The following BEND7 variants were observed in gnomAD, a reference collection of about 807,000 sequenced individuals.
The protein encoded by BEND7 is BEN domain containing 7, also known as BEN domain-containing protein 7.
Under a neutral mutation model 50.9 loss-of-function variants are expected in BEND7, and 28 were observed. The observed-to-expected ratio is 0.55, with a 90% CI of 0.41 to 0.75. BEND7 has a LOEUF of 0.75. Ranked by LOEUF, BEND7 falls within the 30% of genes least tolerant of loss-of-function variation. The pLI is 0.00. For missense variants in BEND7, 477 were observed against 491.3 expected (o/e 0.97, Z 0.28); for synonymous variants, 170 against 183.9 (o/e 0.92, Z 0.61).
intron 2 of BEND7, chr10:13,500,641 A>G (rs943062824): frequency 9.1e-6 from 9 of 986,108 alleles, no homozygotes; most frequent in African/African-American, 7.0e-5. Context: ...TGCTGACACA[A>G]TGTCCTCCAG....
chr10:13,491,040 T>C (rs1345790999), intron 5 of BEND7, among the ~76,000 whole-genome samples: 1 of 152,060 alleles, frequency 6.6e-6, no homozygotes, highest in East Asian at 1.9e-4. Context: ...TTGACCTCAG[T>C]TGATCTGCCC....
downstream of BEND7, chr10:13,440,986 G>A: frequency 1.7e-6 from 1 of 574,448 alleles, no homozygotes; most frequent in Non-Finnish European, 2.2e-6. Context: ...ACTTCTGTGG[G>A]AGATCATCAG....
intron 6 of BEND7, among the ~76,000 whole-genome samples, chr10:13,466,449 C>T (rs1290600585): frequency 6.6e-6 from 1 of 151,894 alleles, no homozygotes; most frequent in South Asian, 2.1e-4. Flanking sequence ...ATCCCAGCTA[C>T]TAGGGAGGCT....
chr10:13,500,592 A>G (rs763036154), intron 2 of BEND7: 110 of 987,450 alleles, frequency 1.1e-4, no homozygotes, highest in Non-Finnish European at 1.3e-4. Context: ...TACTGACACA[A>G]TGTCCTTCAG....
intron 4 of BEND7, among the ~76,000 whole-genome samples, chr10:13,495,207 C>T (rs1039092834): frequency 3.9e-5 from 6 of 152,218 alleles, no homozygotes; most frequent in Non-Finnish European, 8.8e-5. Flanking sequence ...AGAATCCGAA[C>T]ATCATAAAGT....
chr10:13,504,840 T>C (rs576040576), intron 2 of BEND7, among the ~76,000 whole-genome samples: 21 of 152,354 alleles, frequency 1.4e-4, no homozygotes, highest in African/African-American at 3.6e-4. Context: ...TCTAAAAAGA[T>C]TGTATGCTGG....
At chr10:13,439,397 C>T (rs755267448), downstream of BEND7, 14 of 1,614,194 alleles carry the variant, frequency 8.7e-6, no homozygotes, top group Non-Finnish European at 1.2e-5. Context: ...GTTCTGCCAT[C>T]TGTCCCTTTT....
At chr10:13,514,842 G>T (rs941119942) in intron 2 of BEND7, among the ~76,000 whole-genome samples, 3 of 152,172 alleles carry the variant, frequency 2.0e-5, no homozygotes, top group Admixed American at 2.0e-4. Context: ...TGCATCTCCT[G>T]ACTTTTTACT....
chr10:13,462,726 C>A (rs2073835684), intron 6 of BEND7, among the ~76,000 whole-genome samples: 1 of 151,988 alleles, frequency 6.6e-6, no homozygotes. Flanking sequence ...GGAGAGAATT[C>A]AAAGAATGAA....
intron 2 of BEND7, among the ~76,000 whole-genome samples, chr10:13,517,424 G>A (rs1338873872): frequency 1.3e-5 from 2 of 152,040 alleles, no homozygotes; most frequent in Non-Finnish European, 2.9e-5. Context: ...GGCAGTTCAT[G>A]CAGGGTCTCA....
chr10:13,439,252 G>T, downstream of BEND7: 1 of 1,614,220 alleles, frequency 6.2e-7, no homozygotes, highest in Non-Finnish European at 8.5e-7. Flanking sequence ...CCTCTCTGAT[G>T]ATGAAGTGTA....
chr10:13,467,599 A>G (rs2074382110), intron 6 of BEND7, among the ~76,000 whole-genome samples: 1 of 152,094 alleles, frequency 6.6e-6, no homozygotes, highest in Admixed American at 6.5e-5. Flanking sequence ...AGATTACACT[A>G]CCCTTAATTC....
At chr10:13,439,030 C>T (rs959484294), downstream of BEND7, 2 of 804,702 alleles carry the variant, frequency 2.5e-6, no homozygotes, top group South Asian at 1.8e-5. Flanking sequence ...TTAATCAGTC[C>T]ACTCTTGCTG....
intron 5 of BEND7, among the ~76,000 whole-genome samples, chr10:13,483,687 G>A (rs746736955): frequency 1.3e-4 from 20 of 152,184 alleles, no homozygotes; most frequent in Admixed American, 7.9e-4. Context: ...CCCCCTCCAT[G>A]TGTAGGAATC....
At chr10:13,474,680 C>T (rs377457974) in intron 6 of BEND7, among the ~76,000 whole-genome samples, 34 of 152,146 alleles carry the variant, frequency 2.2e-4, no homozygotes, top group African/African-American at 6.3e-4. Flanking sequence ...GGTCGATATC[C>T]GTCATCAGTG....
chr10:13,523,550 G>C (rs1409615306), intron 2 of BEND7, among the ~76,000 whole-genome samples: 1 of 152,236 alleles, frequency 6.6e-6, no homozygotes, highest in Middle Eastern at 3.2e-3. Context: ...CCCTGGGACA[G>C]TGTGTCAGTA....
chr10:13,499,214 T>C (rs1396192422), intron 3 of BEND7, among the ~76,000 whole-genome samples: 1 of 152,192 alleles, frequency 6.6e-6, no homozygotes, highest in African/African-American at 2.4e-5. Context: ...GAAACTTAAA[T>C]TAAGAAAATT....
chr10:13,441,838 T>C (rs1835371786), intron 8 of BEND7, 88 bp from the exon 9 acceptor site: 2 of 1,357,758 alleles, frequency 1.5e-6, no homozygotes, highest in Non-Finnish European at 2.1e-6. Context: ...ATGATGGAAA[T>C]AATTTCTCCA....
intron 8 of BEND7, chr10:13,445,015 T>C (rs750600821): frequency 1.3e-5 from 2 of 152,092 alleles, no homozygotes; most frequent in Non-Finnish European, 2.9e-5. Context: ...GACGGGGGTT[T>C]CACCGTGTTA....
Sources: allele counts gnomAD v4.1 joint callset (sites outside exome capture counted in the v4.1 genomes callset), GRCh38; gene constraint gnomAD v4.1.1; transcripts MANE v1.5; gene names NCBI Gene and HGNC (gene_info 2026-07-23, HGNC 2026-07-21).